The following PYGB variants were observed in gnomAD, a reference collection of about 807,000 sequenced individuals.
PYGB encodes glycogen phosphorylase, brain form.
PYGB carries 82 observed loss-of-function variants against 94.3 expected under a neutral mutation model. The observed-to-expected ratio is 0.87, with a 90% CI of 0.73 to 1.04. The LOEUF is 1.04. PYGB is among the 50% of genes least tolerant of loss of function. PYGB has a pLI of 0.00. For missense variants in PYGB, 1,132 were observed against 1,158.2 expected, an observed-to-expected ratio of 0.98 and a Z score of 0.33; for synonymous variants, 488 against 479.1, an observed-to-expected ratio of 1.02 and a Z score of -0.24.
chr20:25,260,161 C>T (rs1382257982), intron 2 of PYGB, among the ~76,000 whole-genome samples: 1 of 152,176 alleles, frequency 6.6e-6, no homozygotes, highest in Non-Finnish European at 1.5e-5. Flanking sequence ...ACAAAAACTT[C>T]ACTCCGCATG....
At chr20:25,263,870 C>T (rs1047115430) in intron 2 of PYGB, among the ~76,000 whole-genome samples, 6 of 152,232 alleles carry the variant, frequency 3.9e-5, no homozygotes, top group Non-Finnish European at 7.3e-5. Flanking sequence ...GAGCTGCTAC[C>T]ATTCCTTCTG....
At position 25,269,224 on chromosome 20, in the gene PYGB, A is replaced by T; in HGVS notation, c.424+17A>T. Reference sequence around the variant, plus strand: ...GGCTGGCAGGTAAGTTGCCCCATCCAGGAGGAGCTCTCTCGGACCCGTTGG... The same window carrying T: ...GGCTGGCAGGTAAGTTGCCCCATCCTGGAGGAGCTCTCTCGGACCCGTTGG... On this transcript the variant is annotated intron_variant, in intron 3 of 19. Coordinates refer to ENST00000216962, the MANE Select transcript of PYGB (RefSeq NM_002862.4). The T allele has an allele frequency of 1.3e-6, 2 of 1,545,548 alleles. No individual in the cohort carries two copies. Among genetic ancestry groups the T allele is most frequent in the Non-Finnish European group, 1.8e-6 (2 of 1,120,008 alleles).
chr20:25,273,589 G>C (rs147712210), intron 4 of PYGB, among the ~76,000 whole-genome samples: 55 of 152,338 alleles, frequency 3.6e-4, no homozygotes, highest in South Asian at 8.3e-4. Flanking sequence ...CTGTCACGTG[G>C]TGGTAAAGCA....
intron 14 of PYGB, 125 bp downstream of exon 14, chr20:25,284,376 T>G: frequency 7.8e-7 from 1 of 1,281,222 alleles, no homozygotes. Flanking sequence ...CGTGTGCATG[T>G]GTGATGTGGC....
chr20:25,283,336 C>G, intron 13 of PYGB, 59 bp downstream of exon 13: 1 of 1,482,350 alleles, frequency 6.7e-7, no homozygotes, highest in Non-Finnish European at 9.3e-7. Context: ...GGCAGGTAGG[C>G]CCTGGCCCTA....
chr20:25,294,333 A>T, intron 18 of PYGB, 41 bp downstream of exon 18: 40 of 325,962 alleles, frequency 1.2e-4, no homozygotes, highest in Non-Finnish European at 2.1e-4. Context: ...GGAGGGAGGG[A>T]GGGAGGGAGG....
In PYGB at chr20:25,248,158, TC is replaced by T. The variant is rs1345757519; in HGVS notation, c.-19del. The T allele has an allele frequency of 6.3e-7, 1 of 1,577,924 alleles. No individual in the cohort carries two copies. ...CGCCGCTTTCCTCCTCCATCTCTTT[TC>T]CTCCGCCTCCGCCGGCGCGATGGCG... On this transcript the variant is annotated 5_prime_UTR_variant, in exon 1 of 20. Transcript: ENST00000216962.
intron 1 of PYGB, among the ~76,000 whole-genome samples, chr20:25,250,553 C>A (rs1469127622): frequency 6.6e-6 from 1 of 152,240 alleles, no homozygotes; most frequent in Non-Finnish European, 1.5e-5. Flanking sequence ...TTAACTGCTT[C>A]TTTCGCTAAT....
intron 14 of PYGB, among the ~76,000 whole-genome samples, chr20:25,286,185 G>A (rs1214340590): frequency 1.3e-5 from 2 of 152,254 alleles, no homozygotes; most frequent in African/African-American, 4.8e-5. Flanking sequence ...CGTGTTGCTG[G>A]ACTTCAGGGA....
chr20:25,293,146 G>A (rs2088487357), intron 17 of PYGB, among the ~76,000 whole-genome samples: 1 of 109,112 alleles, frequency 9.2e-6, no homozygotes, highest in Non-Finnish European at 2.2e-5. Flanking sequence ...TGGGGGAGTG[G>A]GGGGGATGGG....
rs370180940 is a variant in PYGB, at chr20:25,281,008, G to A, written c.1299G>A (p.Glu433=). The change falls in exon 11 of 20, where the codon GAG becomes GAA. Residue 433 remains glutamate (E), a synonymous_variant. Coordinates refer to ENST00000216962, the MANE Select transcript of PYGB (RefSeq NM_002862.4). ...GCCTGCGCAGGATGTCTGTGATCGA[G>A]GAGGGGGACTGCAAGCGGATCAACA... The part of the protein sequence containing the change: ...VDRLRRMSVI[E]EGDCKRINMA... 9.9e-6 allele frequency: 16 copies of A among 1,614,104 alleles called. No homozygotes were observed. The highest frequency in any genetic ancestry group is 1.3e-5 in the African/African-American group (1 of 74,930).
In PYGB at chr20:25,274,707, A is replaced by G. The variant is rs974580536; in HGVS notation, c.644A>G (p.Lys215Arg). The G allele has an allele frequency of 1.2e-6, 2 of 1,613,048 alleles. No homozygotes were observed. Among genetic ancestry groups the G allele is most frequent in the Non-Finnish European group, 8.5e-7 (1 of 1,179,896 alleles). The change falls in exon 5 of 20, where the codon AAG becomes AGG. Residue 215 changes from lysine to arginine, a missense_variant. Coordinates refer to ENST00000216962, the MANE Select transcript of PYGB (RefSeq NM_002862.4). ...GRVEHTPDGV[K>R]WLDTQVVLAM... ...GTGGAGCACACCCCCGACGGCGTGA[A>G]GTGGCTGGACACACAGGTACCTGGG...
intron 17 of PYGB, among the ~76,000 whole-genome samples, chr20:25,293,162 T>TG (rs879307068): frequency 0.013 from 524 of 39,812 alleles, 3 homozygotes; most frequent in African/African-American, 0.047. Flanking sequence ...ATGGGGGGGT[T>TG]GGGGGGTGGC....
intron 2 of PYGB, among the ~76,000 whole-genome samples, chr20:25,261,815 G>A (rs1313039839): frequency 2.6e-5 from 4 of 152,284 alleles, no homozygotes; most frequent in South Asian, 2.1e-4. Context: ...ACCATGGCAC[G>A]AGAACTACAT....
intron 5 of PYGB, among the ~76,000 whole-genome samples, chr20:25,275,215 C>T (rs978798395): frequency 3.7e-4 from 56 of 152,242 alleles, no homozygotes; most frequent in African/African-American, 1.3e-3. Context: ...GGAGTGTGTG[C>T]GAGGCCTGGG....
intron 15 of PYGB, chr20:25,289,812 A>C: frequency 1.9e-6 from 1 of 533,328 alleles, no homozygotes; most frequent in Non-Finnish European, 3.8e-6. Flanking sequence ...TTTTCATAAA[A>C]TGATGTTTTC....
At chr20:25,287,727 C>T (rs1213378730) in intron 14 of PYGB, among the ~76,000 whole-genome samples, 15 of 152,108 alleles carry the variant, frequency 9.9e-5, no homozygotes, top group Non-Finnish European at 1.9e-4. Context: ...CGCCTATAAT[C>T]CCTGCACTTT....
At chr20:25,279,234 T>TC in intron 9 of PYGB, 85 bp downstream of exon 9, 1 of 1,386,816 alleles carries the variant, frequency 7.2e-7, no homozygotes. Flanking sequence ...CTGGGGGGCC[T>TC]CTTCCCTGGC....
At chr20:25,264,065 A>G (rs979028766) in intron 2 of PYGB, among the ~76,000 whole-genome samples, 1 of 152,246 alleles carries the variant, frequency 6.6e-6, no homozygotes, top group Non-Finnish European at 1.5e-5. Flanking sequence ...CAGCACATCA[A>G]AAAGCTTATC....
Sources: allele counts gnomAD v4.1 joint callset (sites outside exome capture counted in the v4.1 genomes callset), GRCh38; gene constraint gnomAD v4.1.1; transcripts MANE v1.5; gene names NCBI Gene and HGNC (gene_info 2026-07-23, HGNC 2026-07-21).